The following NDUFAF7 variants were observed in gnomAD, a reference collection of about 807,000 sequenced individuals.
NDUFAF7 encodes NADH:ubiquinone oxidoreductase complex assembly factor 7.
In NDUFAF7, 48 loss-of-function variants were observed where a neutral mutation model predicts 47.2. The observed-to-expected ratio is 1.02, with a 90% CI of 0.81 to 1.29. NDUFAF7 has a LOEUF of 1.29. Ranked by LOEUF, NDUFAF7 falls within the 50% of genes most tolerant of loss-of-function variation. The probability of loss-of-function intolerance (pLI) is 0.00; values close to 1 mark genes in which losing one functional copy is unlikely to be tolerated. For synonymous variants in NDUFAF7, 217 were observed against 190.0 expected (o/e 1.14, Z -1.17); for missense variants, 635 against 537.6 (o/e 1.18, Z -1.79).
chr2:37,238,705 A>C (rs1666046620), intron 4 of NDUFAF7, among the ~76,000 whole-genome samples: 1 of 152,162 alleles, frequency 6.6e-6, no homozygotes, highest in African/African-American at 2.4e-5. Flanking sequence ...TGTTCTTCAG[A>C]GACCCCATTA....
rs1665227910 is a variant in NDUFAF7, at chr2:37,232,199, A to G, written c.149A>G (p.Lys50Arg). ...VTPMLRHLMY[K>R]IKSTGPITVA... is the part of the protein sequence containing the mutation. ...CCGATGCTGCGGCATCTTATGTACAAAATAAAGTCTACTGGTCCCATCACT... is the reference window on the plus strand; with the variant it reads ...CCGATGCTGCGGCATCTTATGTACAGAATAAAGTCTACTGGTCCCATCACT... The change falls in exon 2 of 10, where the codon AAA becomes AGA. Residue 50 changes from lysine to arginine, a missense_variant. Lys to Arg is a conservative substitution (Grantham distance 26). Transcript: ENST00000002125. 1 of 1,614,098 alleles carries G rather than the reference A, an allele frequency of 6.2e-7. No homozygotes were observed.
chr2:37,265,123 G>C, the NDUFAF7 span, among the ~76,000 whole-genome samples: 1 of 150,368 alleles, frequency 6.7e-6, no homozygotes, highest in African/African-American at 2.5e-5. Context: ...AACTACAGGA[G>C]TTCAGACAGC....
chr2:37,239,975 T>C (rs953930021), intron 4 of NDUFAF7, among the ~76,000 whole-genome samples: 1 of 152,238 alleles, frequency 6.6e-6, no homozygotes, highest in African/African-American at 2.4e-5. Flanking sequence ...TATCATTGTT[T>C]CTATCAGTCT....
chr2:37,235,276 C>T (rs1245033714), intron 2 of NDUFAF7, among the ~76,000 whole-genome samples: 1 of 152,070 alleles, frequency 6.6e-6, no homozygotes, highest in East Asian at 1.9e-4. Flanking sequence ...AAAAACAACC[C>T]TTTTTCTGGA....
At chr2:37,234,573 CA>C (rs77021569) in intron 2 of NDUFAF7, among the ~76,000 whole-genome samples, 17,500 of 152,074 alleles carry the variant, frequency 0.12, 1,392 homozygotes, top group East Asian at 0.34. Context: ...GTAAATACCC[CA>C]ATAATGTTTC....
the NDUFAF7 span, among the ~76,000 whole-genome samples, chr2:37,265,689 A>G: frequency 6.6e-6 from 1 of 152,344 alleles, no homozygotes; most frequent in Middle Eastern, 3.4e-3. Flanking sequence ...TATCTGACAT[A>G]AACAATTTGA....
At chr2:37,244,092 C>T (rs762172146) in intron 7 of NDUFAF7, 119 bp downstream of exon 7, 24 of 849,264 alleles carry the variant, frequency 2.8e-5, no homozygotes, top group African/African-American at 5.1e-5. Context: ...TAGTAGCATA[C>T]GAGGTGCTTT....
chr2:37,253,399 G>T, downstream of NDUFAF7: 1 of 1,494,792 alleles, frequency 6.7e-7, no homozygotes, highest in African/African-American at 1.4e-5. Flanking sequence ...ACAAAATACT[G>T]TCAACCTGGT....
chr2:37,244,038 G>GT (rs1666659967), intron 7 of NDUFAF7, 65 bp downstream of exon 7: 1 of 1,342,778 alleles, frequency 7.4e-7, no homozygotes, highest in South Asian at 1.2e-5. Flanking sequence ...TATTTTCTGA[G>GT]TTACTACTTT....
rs143263046 is a variant in NDUFAF7, at chr2:37,248,346, A to G, written c.1322A>G (p.Gln441Arg). The change falls in exon 10 of 10, where the codon CAG (glutamine) becomes CGG (arginine). Residue 441 changes from glutamine (Q) to arginine (R), a missense_variant. By Grantham distance (43) the Gln-to-Arg change is conservative. Coordinates refer to ENST00000002125, the MANE Select transcript of NDUFAF7 (RefSeq NM_144736.5). ...GCTGGGTTTAGTGAACTTGCTTGGC[A>G]GTGATATTTCAGCTTGGACATTTTA... ...VVAGFSELAW[Q>R] is the part of the protein sequence containing the mutation. The G allele has an allele frequency of 3.8e-5, 62 of 1,613,486 alleles. No homozygotes were observed. The African/African-American group carries it at 7.5e-4, about 19-fold the overall frequency.
At chr2:37,256,082 G>C (rs560842991), downstream of NDUFAF7, among the ~76,000 whole-genome samples, 34 of 152,284 alleles carry the variant, frequency 2.2e-4, no homozygotes, top group African/African-American at 7.7e-4. Flanking sequence ...GTGTAGAGGA[G>C]TAGTCAGGGA....
At chr2:37,232,006 G>A (rs1665193569) in intron 1 of NDUFAF7, 100 bp from the exon 2 acceptor site, 5 of 1,606,184 alleles carry the variant, frequency 3.1e-6, no homozygotes, top group Non-Finnish European at 4.3e-6. Flanking sequence ...GGTGGGGCGA[G>A]GTTAAGGGTT....
In NDUFAF7 at chr2:37,248,189, TATG is replaced by T; in HGVS notation, c.1168_1170del (p.Asp390del). The T allele has an allele frequency of 1.2e-6, 2 of 1,614,090 alleles. No homozygotes were observed. Among genetic ancestry groups the T allele is most frequent in the Non-Finnish European group, 1.7e-6 (2 of 1,179,962 alleles). On this transcript the variant is annotated inframe_deletion, in exon 10 of 10. Transcript: ENST00000002125. ...AGTGAGGCAGCAGTTACTTCAAGGA[TATG>T]ATATGTTAATGAATCCAAAGAAGAT...
At chr2:37,250,026 A>ATT (rs374474201), downstream of NDUFAF7, among the ~76,000 whole-genome samples, 9 of 148,412 alleles carry the variant, frequency 6.1e-5, no homozygotes, top group African/African-American at 1.7e-4. Flanking sequence ...ACATTATGAG[A>ATT]TTTTTTTTTG....
the NDUFAF7 span, chr2:37,269,598 C>T: frequency 3.0e-5 from 48 of 1,592,382 alleles, no homozygotes; most frequent in Admixed American, 2.7e-4. Context: ...AATATGCAAA[C>T]GGCTGTAGTT....
chr2:37,262,371 TCA>T, the NDUFAF7 span, among the ~76,000 whole-genome samples: 1 of 152,210 alleles, frequency 6.6e-6, no homozygotes, highest in Admixed American at 6.5e-5. Context: ...ACAGATTGTT[TCA>T]GTTATTTTAG....
rs758727343 is a variant in NDUFAF7, at chr2:37,246,215, A to T, written c.936+20A>T. ...TTCAGAGTATGTATAATTCAGTAAC[A>T]TGATTTATCAGAATTTCAGTGTTAG... On this transcript the variant is annotated intron_variant, in intron 8 of 9. Transcript: ENST00000002125. 6.2e-7 allele frequency: 1 copy of T among 1,612,878 alleles called. No homozygotes were observed. The highest frequency in any genetic ancestry group is 2.2e-5 in the East Asian group (1 of 44,862).
chr2:37,232,168 G>A lies in NDUFAF7; in HGVS notation c.118G>A (p.Val40Met). 6.2e-7 allele frequency: 1 copy of A among 1,614,218 alleles called. No homozygotes were observed. The highest frequency in any genetic ancestry group is 8.5e-7 in the Non-Finnish European group (1 of 1,180,040). The change falls in exon 2 of 10, where the codon GTG (valine) becomes ATG (methionine). Residue 40 changes from valine to methionine, a missense_variant. Coordinates refer to ENST00000002125, the MANE Select transcript of NDUFAF7 (RefSeq NM_144736.5). The stretch of plus-strand genomic sequence containing the variant: ...CGGGAATGAGCCTGCAGAAAACCCG[G>A]TGACGCCGATGCTGCGGCATCTTAT... The part of the protein sequence containing the change: ...SSGNEPAENP[V>M]TPMLRHLMYK...
chr2:37,269,339 C>G, the NDUFAF7 span: 21 of 397,372 alleles, frequency 5.3e-5, no homozygotes, highest in Admixed American at 1.4e-4. Flanking sequence ...CCATCTCCCC[C>G]CCTGCCTCCG....
Sources: gnomAD v4.1 joint callset for allele counts (sites outside exome capture counted in the v4.1 genomes callset) on GRCh38, gnomAD v4.1.1 for gene constraint, MANE v1.5 for transcripts, NCBI Gene and HGNC (gene_info 2026-07-23, HGNC 2026-07-21) for gene names.